CCDC178: variants seen among roughly 807,000 people sequenced by gnomAD.
The protein encoded by CCDC178 is coiled-coil domain-containing protein 178.
CCDC178 carries 126 observed loss-of-function variants against 117.4 expected under a neutral mutation model. The ratio of observed to expected loss-of-function variants is 1.07; its 90% CI spans 0.93 to 1.24. CCDC178 has a LOEUF of 1.24. CCDC178 is among the 50% of genes most tolerant of loss of function. The pLI, the probability that CCDC178 is intolerant of heterozygous loss-of-function variation, is 0.00. For missense variants in CCDC178, 1,030 were observed against 986.9 expected, an observed-to-expected ratio of 1.04 and a Z score of -0.59; for synonymous variants, 283 against 313.4, an observed-to-expected ratio of 0.90 and a Z score of 1.02.
chr18:33,117,647 A>G (rs1014790561), intron 20 of CCDC178, among the ~76,000 whole-genome samples: 3 of 151,978 alleles, frequency 2.0e-5, no homozygotes, highest in Non-Finnish European at 4.4e-5. Context: ...GGTGCAGCAC[A>G]CCAACATGGC....
intron 15 of CCDC178, among the ~76,000 whole-genome samples, chr18:33,233,487 C>G (rs2144656534): frequency 6.6e-6 from 1 of 152,126 alleles, no homozygotes; most frequent in East Asian, 1.9e-4. Context: ...AAATAACTAT[C>G]ATTATGTTCA....
At chr18:33,219,960 C>T (rs1043101098) in intron 18 of CCDC178, among the ~76,000 whole-genome samples, 3 of 151,904 alleles carry the variant, frequency 2.0e-5, no homozygotes, top group African/African-American at 7.3e-5. Flanking sequence ...ACTTTCTCCC[C>T]TTTCCTACAG....
At chr18:33,161,402 T>C (rs1339709776) in intron 20 of CCDC178, among the ~76,000 whole-genome samples, 1 of 151,998 alleles carries the variant, frequency 6.6e-6, no homozygotes, top group Non-Finnish European at 1.5e-5. Context: ...CAGGATTTAG[T>C]TCTACACAAT....
At chr18:32,983,763 CAG>C (rs1393166568) in intron 21 of CCDC178, among the ~76,000 whole-genome samples, 1 of 151,976 alleles carries the variant, frequency 6.6e-6, no homozygotes, top group Non-Finnish European at 1.5e-5. Flanking sequence ...CAATTTCTGA[CAG>C]ATAGATAAAA....
At chr18:33,264,483 C>A (rs1248468257) in intron 14 of CCDC178, among the ~76,000 whole-genome samples, 1 of 151,956 alleles carries the variant, frequency 6.6e-6, no homozygotes, top group Non-Finnish European at 1.5e-5. Flanking sequence ...ACCATGTAAT[C>A]CGCTGTTAAA....
intron 21 of CCDC178, among the ~76,000 whole-genome samples, chr18:33,086,968 T>TCACA (rs2057387585): frequency 1.3e-5 from 1 of 79,180 alleles, no homozygotes; most frequent in African/African-American, 6.5e-5. Flanking sequence ...AGCTATTGGT[T>TCACA]GACACACACA....
At chr18:33,115,674 C>T (rs1384522576) in intron 20 of CCDC178, among the ~76,000 whole-genome samples, 5 of 151,972 alleles carry the variant, frequency 3.3e-5, no homozygotes, top group African/African-American at 1.2e-4. Context: ...CCCGCCGCCG[C>T]CCTGCTACGT....
At chr18:33,145,701 C>T (rs1476622722) in intron 20 of CCDC178, among the ~76,000 whole-genome samples, 1 of 152,152 alleles carries the variant, frequency 6.6e-6, no homozygotes, top group African/African-American at 2.4e-5. Context: ...GAGGCCAAGA[C>T]ACTAAATGGA....
At chr18:33,157,798 T>C (rs948053308) in intron 20 of CCDC178, among the ~76,000 whole-genome samples, 1 of 152,152 alleles carries the variant, frequency 6.6e-6, no homozygotes, top group African/African-American at 2.4e-5. Flanking sequence ...TTCTATATTA[T>C]CTGTCACTTT....
intron 21 of CCDC178, among the ~76,000 whole-genome samples, chr18:33,085,495 G>A (rs1450996121): frequency 3.3e-5 from 5 of 152,092 alleles, no homozygotes; most frequent in African/African-American, 4.8e-5. Flanking sequence ...CCTGGGAGGC[G>A]GAGCTTGCAG....
intron 11 of CCDC178, among the ~76,000 whole-genome samples, chr18:33,308,985 T>C (rs1446942695): frequency 6.6e-6 from 1 of 152,220 alleles, no homozygotes; most frequent in Non-Finnish European, 1.5e-5. Context: ...ATTAATACAG[T>C]AAGCTTTGAT....
At chr18:33,306,615 T>C (rs1288077537) in intron 11 of CCDC178, among the ~76,000 whole-genome samples, 2 of 141,000 alleles carry the variant, frequency 1.4e-5, no homozygotes, top group Non-Finnish European at 3.1e-5. Context: ...TTTATATATA[T>C]ATGGTTATAT....
At chr18:33,038,815 A>T (rs2056492837) in intron 21 of CCDC178, among the ~76,000 whole-genome samples, 1 of 151,808 alleles carries the variant, frequency 6.6e-6, no homozygotes, top group African/African-American at 2.4e-5. Flanking sequence ...ACTCCCATTC[A>T]CCTCTGGCTA....
chr18:33,423,698 ATCT>A (rs1227358164), intron 2 of CCDC178, among the ~76,000 whole-genome samples: 4 of 152,162 alleles, frequency 2.6e-5, no homozygotes, highest in Non-Finnish European at 5.9e-5. Flanking sequence ...CATTACGAAG[ATCT>A]TCTCCCACTT....
chr18:33,323,294 T>C (rs2062539164), intron 11 of CCDC178, 197 bp downstream of exon 11: 2 of 323,076 alleles, frequency 6.2e-6, no homozygotes, highest in Non-Finnish European at 1.1e-5. Context: ...ACTTTAGGGA[T>C]TTATGCACAA....
rs575185317 is a variant in CCDC178 at position 33,209,923 on chromosome 18, G to A, written c.2238+1973C>T. ...AAAGAAAGAGAATGAGACAGACAGAGAGAGAGAGAGAAAGAGAGACACACA... is the reference window on the plus strand; with the variant it reads ...AAAGAAAGAGAATGAGACAGACAGAAAGAGAGAGAGAAAGAGAGACACACA... On this transcript the variant is annotated intron_variant, in intron 20 of 22. Transcript: ENST00000383096. 3.9e-5 allele frequency among the ~76,000 whole-genome samples: 6 copies of A among 152,114 alleles called. No homozygotes were observed. In the East Asian group the frequency reaches 1.2e-3, roughly 29 times the overall value.
intron 21 of CCDC178, among the ~76,000 whole-genome samples, chr18:33,024,267 A>AT (rs776788020): frequency 2.6e-5 from 4 of 152,082 alleles, no homozygotes; most frequent in Non-Finnish European, 5.9e-5. Flanking sequence ...AACAGAAACT[A>AT]TTTTTTTGTC....
rs760081125 is a variant in CCDC178, at chr18:33,333,381, A to T, written c.672T>A (p.Tyr224Ter). Residue 224 changes from tyrosine to a stop codon, truncating the protein, a stop_gained, in exon 10 of 23, where the codon TAT becomes TAA. Coordinates refer to ENST00000383096, the MANE Select transcript of CCDC178 (RefSeq NM_001105528.4). LOFTEE classifies it high-confidence loss of function. ...PLAVQKEHEA[Y>*]LSDVIELQWH... ...ATTGTAATTCTATAACATCACTCAA[A>T]TAGGCCTCATGTTCTAGATATAGAA... 7 of 1,594,910 alleles carry T rather than the reference A, an allele frequency of 4.4e-6. No individual in the cohort carries two copies. The South Asian group carries it at 7.8e-5, about 18-fold the overall frequency.
intron 22 of CCDC178, among the ~76,000 whole-genome samples, chr18:32,959,334 G>GA (rs1262940364): frequency 6.6e-6 from 1 of 152,108 alleles, no homozygotes; most frequent in East Asian, 1.9e-4. Context: ...GAACCTATGA[G>GA]ACTCTGTTGG....
Sources: allele counts gnomAD v4.1 joint callset (sites outside exome capture counted in the v4.1 genomes callset), GRCh38; gene constraint gnomAD v4.1.1; transcripts MANE v1.5; gene names NCBI Gene and HGNC (gene_info 2026-07-23, HGNC 2026-07-21).